Variants in MED17 observed in about 807,000 individuals in gnomAD.
MED17 encodes mediator complex subunit 17, also known as mediator of RNA polymerase II transcription subunit 17.
Under a neutral mutation model 80.8 loss-of-function variants are expected in MED17, and 49 were observed. That is an observed-to-expected ratio of 0.61 (90% confidence interval 0.48 to 0.77). MED17 has a LOEUF of 0.77. MED17 is among the 30% of genes least tolerant of loss of function. MED17 has a pLI of 0.00. For synonymous variants in MED17, 281 were observed against 280.4 expected, an observed-to-expected ratio of 1.00 and a Z score of -0.02; for missense variants, 718 against 787.0, an observed-to-expected ratio of 0.91 and a Z score of 1.05.
chr11:93,784,978 G>A (rs1040625793), intron 1 of MED17: 4 of 670,684 alleles, frequency 6.0e-6, no homozygotes, highest in African/African-American at 1.8e-5. Context: ...CTCCTTGAAT[G>A]GCAGCGTTTA....
At chr11:93,807,240 C>T (rs1379184661) in intron 9 of MED17, 7 of 339,900 alleles carry the variant, frequency 2.1e-5, no homozygotes, top group South Asian at 5.7e-5. Flanking sequence ...GGTGAAATTC[C>T]GTCTCTACTA....
chr11:93,812,448 T>A lies in MED17; in HGVS notation c.*384T>A. 1 of 404,852 alleles carries A rather than the reference T, an allele frequency of 2.5e-6. No homozygotes were observed. Among genetic ancestry groups the A allele is most frequent in the Non-Finnish European group, 4.3e-6 (1 of 229,954 alleles). 25.1% of individuals were successfully genotyped at this position (404,852 alleles called of 1,614,324 possible). On this transcript the variant is annotated 3_prime_UTR_variant, in exon 12 of 12. Coordinates refer to ENST00000251871, the MANE Select transcript of MED17 (RefSeq NM_004268.5). ...TTCCCCCCAAATACTTTCTAAACTT[T>A]TTTTTTTTGAGATGGTATCTCACTC...
chr11:93,788,384 A>G (rs1205264533), intron 2 of MED17: 2 of 468,974 alleles, frequency 4.3e-6, no homozygotes, highest in Non-Finnish European at 7.6e-6. Context: ...TTTCATTAAG[A>G]ATGTAATACC....
In MED17 at chr11:93,801,830, A is replaced by C. The variant is rs1943965614; in HGVS notation, c.1329-5A>C. 1 of 1,612,722 alleles carries C rather than the reference A, an allele frequency of 6.2e-7. No individual in the cohort carries two copies. ...AAAAGTTTTTTAACTTCTTGTATTTAAAAGAGCTGCTGCAACCATTGACAG... is the reference window on the plus strand; with the variant it reads ...AAAAGTTTTTTAACTTCTTGTATTTCAAAGAGCTGCTGCAACCATTGACAG... On this transcript the variant is annotated splice_polypyrimidine_tract_variant and splice_region_variant and intron_variant, in intron 8 of 11. Transcript: ENST00000251871.
chr11:93,809,669 G>A, intron 10 of MED17, 48 bp from the exon 11 acceptor site: 1 of 1,603,410 alleles, frequency 6.2e-7, no homozygotes, highest in Middle Eastern at 1.7e-4. Context: ...TTAAGTCACT[G>A]CAGATATCTC....
At chr11:93,796,879 A>G (rs1943909339) in intron 7 of MED17, 1 of 333,926 alleles carries the variant, frequency 3.0e-6, no homozygotes, top group Admixed American at 4.1e-5. Context: ...TTATTTTAGG[A>G]CATGTTCTAC....
At chr11:93,801,375 A>G (rs1013737786) in intron 8 of MED17, 1 of 158,868 alleles carries the variant, frequency 6.3e-6, no homozygotes, top group Non-Finnish European at 1.4e-5. Context: ...AAAAATCTCT[A>G]GCTTCTCTTG....
At chr11:93,784,929 A>T in intron 1 of MED17, 166 bp downstream of exon 1, 3 of 975,696 alleles carry the variant, frequency 3.1e-6, no homozygotes, top group Non-Finnish European at 4.4e-6. Context: ...TTGCTGCCGG[A>T]CAAGGTAGGA....
At chr11:93,804,286 T>C (rs1022332828) in intron 9 of MED17, among the ~76,000 whole-genome samples, 11 of 151,998 alleles carry the variant, frequency 7.2e-5, no homozygotes, top group Non-Finnish European at 1.5e-4. Flanking sequence ...CTAGCCCCAC[T>C]GGCAGCTGAT....
At chr11:93,797,760 A>C (rs769186695) in intron 8 of MED17, 41 bp downstream of exon 8, 43 of 1,548,126 alleles carry the variant, frequency 2.8e-5, no homozygotes, top group South Asian at 3.4e-5. Flanking sequence ...TTTTTCTTTG[A>C]AATTGCAGTG....
chr11:93,807,290 G>A (rs1246469672), intron 9 of MED17: 7 of 450,188 alleles, frequency 1.6e-5, no homozygotes, highest in South Asian at 9.6e-5. Flanking sequence ...GCAGGTGCCT[G>A]TAATCCCAGC....
At chr11:93,793,371 C>T (rs768151680) in intron 3 of MED17, 4 of 237,136 alleles carry the variant, frequency 1.7e-5, no homozygotes, top group South Asian at 5.2e-5. Flanking sequence ...TCCGCCTCGT[C>T]CTCCCAAAGT....
At chr11:93,786,004 CCA>C (rs10533998) in intron 1 of MED17, among the ~76,000 whole-genome samples, 84,692 of 151,958 alleles carry the variant, frequency 0.56, 25,198 homozygotes, top group East Asian at 0.75. Flanking sequence ...ACTCTAACAT[CCA>C]CACACACAAC....
intron 9 of MED17, among the ~76,000 whole-genome samples, chr11:93,803,285 C>T (rs532318295): frequency 2.0e-5 from 3 of 152,298 alleles, no homozygotes; most frequent in African/African-American, 7.2e-5. Context: ...TTCCTATGTA[C>T]AGTCATTTCC....
chr11:93,787,185 A>G (rs1184477159), intron 1 of MED17, among the ~76,000 whole-genome samples: 2 of 152,068 alleles, frequency 1.3e-5, no homozygotes, highest in African/African-American at 4.8e-5. Context: ...AGGCCGGGGC[A>G]GGCAGATCAC....
At chr11:93,793,029 G>A (rs1245817203) in intron 3 of MED17, 2 of 151,090 alleles carry the variant, frequency 1.3e-5, no homozygotes, top group African/African-American at 4.9e-5. Flanking sequence ...GTTGTTGGAT[G>A]CAGAGCACTT....
At chr11:93,796,571 T>A (rs1258856685) in intron 7 of MED17, 31 bp downstream of exon 7, 1 of 1,612,320 alleles carries the variant, frequency 6.2e-7, no homozygotes, top group Non-Finnish European at 8.5e-7. Context: ...CTTTGCGCTG[T>A]GGTGAGTATG....
chr11:93,795,114 T>G, intron 6 of MED17, 54 bp downstream of exon 6: 1 of 1,586,718 alleles, frequency 6.3e-7, no homozygotes. Flanking sequence ...TTTGGGGGAC[T>G]AGGACAGAGA....
chr11:93,807,533 A>T lies in MED17; in HGVS notation c.1482A>T (p.Gln494His), dbSNP rs34380494. 1.2e-6 allele frequency: 2 copies of T among 1,601,852 alleles called. No individual in the cohort carries two copies. The highest frequency in any genetic ancestry group is 1.7e-6 in the Non-Finnish European group (2 of 1,168,932). The stretch of plus-strand genomic sequence containing the variant: ...GTCTATAAAGGTCCATTCAACTGCA[A>T]TTGAATATTGGAGTTGAGCAGATTC... ...YEQICKSIQLQLNIGVEQIRV... is the reference protein window; with the variant it reads ...YEQICKSIQLHLNIGVEQIRV... Residue 494 changes from glutamine to histidine, a missense_variant, in exon 10 of 12, where the codon CAA (glutamine) becomes CAT (histidine). Transcript: ENST00000251871.
Sources: gnomAD v4.1 joint callset for allele counts (sites outside exome capture counted in the v4.1 genomes callset) on GRCh38, gnomAD v4.1.1 for gene constraint, MANE v1.5 for transcripts, NCBI Gene and HGNC (gene_info 2026-07-23, HGNC 2026-07-21) for gene names.